Variants in PCDHA8 observed in about 807,000 individuals in gnomAD.
PCDHA8 encodes the protein protocadherin alpha 8, also known as protocadherin alpha-8.
PCDHA8 carries 53 observed loss-of-function variants against 61.8 expected under a neutral mutation model. That is an observed-to-expected ratio of 0.86 (90% CI 0.69 to 1.08). PCDHA8 has a LOEUF of 1.08. PCDHA8 is among the 50% of genes least tolerant of loss of function. The probability of loss-of-function intolerance (pLI) is 0.00; values close to 1 mark genes in which losing one functional copy is unlikely to be tolerated. For missense variants in PCDHA8, 1,293 were observed against 1,245.0 expected (o/e 1.04, Z -0.58); for synonymous variants, 618 against 556.6 (o/e 1.11, Z -1.55).
At position 141,009,698 on chromosome 5, in the gene PCDHA8, G is replaced by A. The variant is rs900919931; in HGVS notation, c.2614G>A (p.Gly872Arg). The part of the protein sequence containing the change: ...VNSNSWTFKY[G>R]PGNPKQSGPG... Reference sequence around the variant, plus strand: ...CAGCAACAGCTGGACCTTTAAATACGGACCAGGCAACCCCAAACAATCCGG... The same window carrying A: ...CAGCAACAGCTGGACCTTTAAATACAGACCAGGCAACCCCAAACAATCCGG... The change falls in exon 4 of 4, where the codon GGA (glycine) becomes AGA (arginine). Residue 872 changes from glycine (G) to arginine (R), a missense_variant. Physicochemically the swap from Gly to Arg is moderately radical, Grantham distance 125. Transcript: ENST00000531613. The A allele has an allele frequency of 1.9e-6, 3 of 1,614,030 alleles. No homozygotes were observed. The highest frequency in any genetic ancestry group is 1.1e-5 in the South Asian group (1 of 91,066).
At position 140,987,008 on chromosome 5, in the gene PCDHA8, G is replaced by A. The variant is rs958548514; in HGVS notation, c.2542+4445G>A. 2.6e-5 allele frequency among the ~76,000 whole-genome samples: 4 copies of A among 152,260 alleles called. No individual in the cohort carries two copies. The South Asian group carries it at 6.2e-4, about 24-fold the overall frequency. On this transcript the variant is annotated intron_variant, in intron 3 of 3. Transcript: ENST00000531613. ...GCAGGCAGATCACTTGAGGTCATGA[G>A]TTCGAGACCAGCCTGGTCAACATGG... is the stretch of plus-strand genomic sequence containing the variant.
chr5:140,972,505 T>C (rs2096539361), intron 1 of PCDHA8, among the ~76,000 whole-genome samples: 1 of 152,100 alleles, frequency 6.6e-6, no homozygotes, highest in African/African-American at 2.4e-5. Flanking sequence ...GTTGGTAGAT[T>C]TTACCCCCAG....
intron 1 of PCDHA8, among the ~76,000 whole-genome samples, chr5:140,892,282 ACTT>A (rs1405766060): frequency 1.3e-5 from 2 of 152,178 alleles, no homozygotes; most frequent in African/African-American, 4.8e-5. Flanking sequence ...TGTATTAAAC[ACTT>A]CTTCCTGGAA....
At chr5:140,941,248 T>TTTCTTTCG (rs1563187616) in intron 1 of PCDHA8, among the ~76,000 whole-genome samples, 2 of 141,492 alleles carry the variant, frequency 1.4e-5, no homozygotes, top group Non-Finnish European at 3.1e-5. Context: ...TCTTTCTTTC[T>TTTCTTTCG]TTCTTTCTCT....
intron 1 of PCDHA8, among the ~76,000 whole-genome samples, chr5:140,956,772 GT>G (rs2095308990): frequency 6.6e-6 from 1 of 152,202 alleles, no homozygotes; most frequent in African/African-American, 2.4e-5. Context: ...AATCTGTCTG[GT>G]CCTGGGCTTT....
chr5:140,909,397 G>C (rs564100527), intron 1 of PCDHA8, among the ~76,000 whole-genome samples: 1 of 152,320 alleles, frequency 6.6e-6, no homozygotes, highest in East Asian at 1.9e-4. Flanking sequence ...TACAGCAGCT[G>C]CAATTGCAGT....
intron 3 of PCDHA8, among the ~76,000 whole-genome samples, chr5:140,999,672 C>T (rs2153958475): frequency 6.6e-6 from 1 of 152,214 alleles, no homozygotes; most frequent in South Asian, 2.1e-4. Context: ...TTGCGGGGGG[C>T]TCACAGAAAG....
intron 1 of PCDHA8, among the ~76,000 whole-genome samples, chr5:140,950,831 TTAAGAC>T (rs1337916001): frequency 6.6e-6 from 1 of 152,128 alleles, no homozygotes; most frequent in Non-Finnish European, 1.5e-5. Flanking sequence ...GTTTGGTCCT[TTAAGAC>T]TATACATTTC....
At chr5:140,946,631 T>TATATATATAC (rs57893927) in intron 1 of PCDHA8, among the ~76,000 whole-genome samples, 18,480 of 131,524 alleles carry the variant, frequency 0.14, 1,838 homozygotes, top group East Asian at 0.38. Context: ...TATATATATA[T>TATATATATAC]ACAATGGAAT....
In PCDHA8 at chr5:140,849,860, C is replaced by T. The variant is rs1451585591; in HGVS notation, c.2394+6145C>T. The T allele has an allele frequency of 5.6e-5, 89 of 1,598,432 alleles. 9 individuals carry two copies. Among genetic ancestry groups the T allele is most frequent in the Non-Finnish European group, 7.4e-5 (87 of 1,167,988 alleles). ...ACGTGAACGACAACGCACCAGCGTT[C>T]GCGCAGTCCGAGTACACGGTGTTCG... On this transcript the variant is annotated intron_variant, in intron 1 of 3. Transcript: ENST00000531613.
intron 1 of PCDHA8, chr5:140,861,255 C>T (rs533071435): frequency 3.0e-5 from 5 of 166,616 alleles, no homozygotes; most frequent in African/African-American, 4.8e-5. Context: ...GGCCAGGAAT[C>T]CCGGAGCCTA....
chr5:140,997,831 A>G (rs938860065), intron 3 of PCDHA8, among the ~76,000 whole-genome samples: 3 of 152,210 alleles, frequency 2.0e-5, no homozygotes, highest in African/African-American at 4.8e-5. Context: ...TTTCTAAACA[A>G]TACAATATAC....
At chr5:140,929,484 T>G (rs1445028927) in intron 1 of PCDHA8, 9 of 1,156,262 alleles carry the variant, frequency 7.8e-6, no homozygotes, top group Non-Finnish European at 1.0e-5. Flanking sequence ...AGTATAGAAG[T>G]ATTAGAAGAT....
At chr5:140,958,744 A>G (rs1421311606) in intron 1 of PCDHA8, among the ~76,000 whole-genome samples, 1 of 152,156 alleles carries the variant, frequency 6.6e-6, no homozygotes, top group Non-Finnish European at 1.5e-5. Context: ...AAAGAGAGAA[A>G]GGAGATTTTT....
At chr5:140,904,270 G>A (rs374052783) in intron 1 of PCDHA8, among the ~76,000 whole-genome samples, 3 of 152,068 alleles carry the variant, frequency 2.0e-5, no homozygotes, top group East Asian at 3.9e-4. Context: ...ACTTATGAAT[G>A]AGAACATGTG....
intron 1 of PCDHA8, chr5:140,855,890 A>C (rs1314408448): frequency 2.8e-5 from 28 of 999,762 alleles, no homozygotes; most frequent in African/African-American, 2.3e-4. Context: ...TTTAGAACAA[A>C]GGCATCAGCC....
chr5:140,862,768 G>A (rs1409687409), intron 1 of PCDHA8: 1 of 576,568 alleles, frequency 1.7e-6, no homozygotes, highest in Admixed American at 1.9e-5. Flanking sequence ...CAAGAGGTAC[G>A]CGTTGCAGCC....
intron 1 of PCDHA8, among the ~76,000 whole-genome samples, chr5:140,946,015 G>A (rs246056): frequency 0.57 from 86,078 of 151,518 alleles, 25,094 homozygotes; most frequent in African/African-American, 0.71. Context: ...AAGCTCCTGC[G>A]CAGCAAAGAA....
At chr5:140,984,964 G>A (rs930753325) in intron 3 of PCDHA8, among the ~76,000 whole-genome samples, 1 of 151,936 alleles carries the variant, frequency 6.6e-6, no homozygotes. Context: ...TTGAGACAGA[G>A]TCTCGCTCTG....
Sources: gnomAD v4.1 joint callset for allele counts (sites outside exome capture counted in the v4.1 genomes callset) on GRCh38, gnomAD v4.1.1 for gene constraint, MANE v1.5 for transcripts, NCBI Gene and HGNC (gene_info 2026-07-23, HGNC 2026-07-21) for gene names.